Variants in SLC30A7 observed in about 807,000 individuals in gnomAD.
SLC30A7 encodes the protein zinc transporter 7.
A neutral mutation model predicts 46.0 loss-of-function variants in SLC30A7; 35 were observed. That is an observed-to-expected ratio of 0.76 (90% CI 0.58 to 1.01). The LOEUF is 1.01. Among genes scored for constraint, SLC30A7 ranks in the 50% least tolerant of loss-of-function variants. The pLI, the probability that SLC30A7 is intolerant of heterozygous loss-of-function variation, is 0.00. For synonymous variants in SLC30A7, 147 were observed against 157.8 expected, an observed-to-expected ratio of 0.93 and a Z score of 0.51; for missense variants, 464 against 451.1, an observed-to-expected ratio of 1.03 and a Z score of -0.26.
intron 6 of SLC30A7, among the ~76,000 whole-genome samples, chr1:100,916,018 G>A (rs1167949157): frequency 6.6e-6 from 1 of 152,018 alleles, no homozygotes; most frequent in East Asian, 1.9e-4. Context: ...TTTCCCTGAT[G>A]ATTAGTGATG....
intron 2 of SLC30A7, 133 bp downstream of exon 2, chr1:100,896,804 G>C: frequency 1.3e-6 from 1 of 750,714 alleles, no homozygotes; most frequent in Admixed American, 2.1e-5. Context: ...CTGCTGAGTT[G>C]CTTTCTCATA....
chr1:100,984,983 A>G (rs543756232), downstream of SLC30A7, among the ~76,000 whole-genome samples: 1 of 152,360 alleles, frequency 6.6e-6, no homozygotes, highest in South Asian at 2.1e-4. Flanking sequence ...TAAAAAACAG[A>G]AGACATAAAA....
intron 8 of SLC30A7, among the ~76,000 whole-genome samples, chr1:100,940,443 A>C (rs1211248974): frequency 1.3e-5 from 2 of 152,234 alleles, no homozygotes; most frequent in African/African-American, 4.8e-5. Context: ...GAATTTTGGC[A>C]TAAGAAGAAA....
At chr1:100,941,152 G>C (rs1007968480) in intron 8 of SLC30A7, 1 of 344,394 alleles carries the variant, frequency 2.9e-6, no homozygotes, top group African/African-American at 2.2e-5. Flanking sequence ...TTCCTTCATG[G>C]GTTCAGAATT....
intron 8 of SLC30A7, among the ~76,000 whole-genome samples, chr1:100,948,858 A>G (rs1285076221): frequency 6.6e-6 from 1 of 152,160 alleles, no homozygotes; most frequent in Non-Finnish European, 1.5e-5. Context: ...TGCGTCATGA[A>G]GTTCTCATGC....
intron 10 of SLC30A7, among the ~76,000 whole-genome samples, chr1:100,967,378 A>G (rs1006803450): frequency 1.3e-5 from 2 of 152,052 alleles, no homozygotes; most frequent in Admixed American, 6.5e-5. Context: ...GATCCCTCAC[A>G]TGTGCAGTTC....
the SLC30A7 span, among the ~76,000 whole-genome samples, chr1:100,993,335 A>C: frequency 6.6e-6 from 1 of 151,482 alleles, no homozygotes; most frequent in African/African-American, 2.4e-5. Flanking sequence ...GGTGGATCAC[A>C]AAGTCAGGAG....
chr1:100,926,024 C>A (rs560608860), intron 8 of SLC30A7, among the ~76,000 whole-genome samples: 1 of 152,078 alleles, frequency 6.6e-6, no homozygotes, highest in Non-Finnish European at 1.5e-5. Context: ...GCGTCAGGGG[C>A]CCTTTCAATA....
At chr1:100,993,566 AT>A in the SLC30A7 span, among the ~76,000 whole-genome samples, 1 of 71,230 alleles carries the variant, frequency 1.4e-5, no homozygotes, top group Non-Finnish European at 2.9e-5. Flanking sequence ...ATAAATATAT[AT>A]ATATATATAT....
chr1:100,951,623 G>A (rs1654957990), intron 8 of SLC30A7, among the ~76,000 whole-genome samples: 2 of 152,128 alleles, frequency 1.3e-5, no homozygotes, highest in Non-Finnish European at 2.9e-5. Flanking sequence ...TAACTGCTGT[G>A]CCTTTGTTCG....
chr1:100,908,140 T>G, intron 3 of SLC30A7, among the ~76,000 whole-genome samples: 1 of 152,028 alleles, frequency 6.6e-6, no homozygotes, highest in East Asian at 1.9e-4. Flanking sequence ...ACTCTCTCCC[T>G]GTCCTTTTTA....
intron 8 of SLC30A7, among the ~76,000 whole-genome samples, chr1:100,931,292 A>G (rs1653650535): frequency 6.6e-6 from 1 of 152,186 alleles, no homozygotes; most frequent in African/African-American, 2.4e-5. Context: ...CATTAAGTAT[A>G]TTTTAAAAAT....
chr1:100,968,692 G>A (rs1375769418), intron 10 of SLC30A7, among the ~76,000 whole-genome samples: 1 of 152,064 alleles, frequency 6.6e-6, no homozygotes, highest in Non-Finnish European at 1.5e-5. Context: ...CAATGCAATT[G>A]TTACTTTCTC....
chr1:100,917,601 T>C (rs1652654867), intron 6 of SLC30A7, among the ~76,000 whole-genome samples: 1 of 152,156 alleles, frequency 6.6e-6, no homozygotes, highest in Non-Finnish European at 1.5e-5. Context: ...AAAAGCAAAA[T>C]GAAAAAAATT....
downstream of SLC30A7, among the ~76,000 whole-genome samples, chr1:100,984,254 A>T (rs61780327): frequency 0.11 from 16,822 of 152,176 alleles, 1,089 homozygotes; most frequent in Non-Finnish European, 0.15. Context: ...CCCCCACCAC[A>T]TGGAGCAGAA....
chr1:100,994,540 C>CT, the SLC30A7 span, among the ~76,000 whole-genome samples: 780 of 142,392 alleles, frequency 5.5e-3, 5 homozygotes, highest in African/African-American at 5.7e-3. Context: ...AAACCCATGC[C>CT]TTTTTTTTTT....
At chr1:100,994,729 G>A in the SLC30A7 span, among the ~76,000 whole-genome samples, 1 of 152,048 alleles carries the variant, frequency 6.6e-6, no homozygotes, top group African/African-American at 2.4e-5. Context: ...GTTTCACCAT[G>A]TTGGCCAGGC....
At chr1:100,954,743 T>C (rs1268723439) in intron 8 of SLC30A7, among the ~76,000 whole-genome samples, 1 of 152,112 alleles carries the variant, frequency 6.6e-6, no homozygotes, top group Admixed American at 6.5e-5. Context: ...GGTTATCTAT[T>C]CTATAGAAGG....
chr1:100,960,370 A>G (rs1334793832), intron 8 of SLC30A7, among the ~76,000 whole-genome samples: 1 of 152,206 alleles, frequency 6.6e-6, no homozygotes, highest in East Asian at 1.9e-4. Context: ...TCTTCAGGGC[A>G]GAGTCTGAAA....
Sources: gnomAD v4.1 joint callset for allele counts (sites outside exome capture counted in the v4.1 genomes callset) on GRCh38, gnomAD v4.1.1 for gene constraint, MANE v1.5 for transcripts, NCBI Gene and HGNC (gene_info 2026-07-23, HGNC 2026-07-21) for gene names.